Variants in ADAMTS18 observed in about 807,000 individuals in gnomAD.
ADAMTS18 encodes A disintegrin and metalloproteinase with thrombospondin motifs 18.
Under a neutral mutation model 165.9 loss-of-function variants are expected in ADAMTS18, and 157 were observed. The ratio of observed to expected loss-of-function variants is 0.95; its 90% CI spans 0.83 to 1.08. The LOEUF (loss-of-function observed/expected upper bound fraction) is 1.08, where lower values mean the gene tolerates loss of function less well. Ranked by LOEUF, ADAMTS18 falls within the 50% of genes least tolerant of loss-of-function variation. ADAMTS18 has a pLI of 0.00. For synonymous variants in ADAMTS18, 782 were observed against 578.2 expected, an observed-to-expected ratio of 1.35 and a Z score of -5.06; for missense variants, 2,040 against 1,534.0, an observed-to-expected ratio of 1.33 and a Z score of -5.51.
In ADAMTS18 at chr16:77,367,703, T is replaced by G. The variant is rs746625889; in HGVS notation, c.516A>C (p.Arg172=). 21 of 1,614,104 alleles carry G rather than the reference T, an allele frequency of 1.3e-5. No individual in the cohort carries two copies. The highest frequency in any genetic ancestry group is 1.7e-5 in the Non-Finnish European group (20 of 1,180,038). The change falls in exon 4 of 23, where the codon CGA becomes CGC. Residue 172 remains arginine, a synonymous_variant. Transcript: ENST00000282849. ...ATGGCGAGATGAGGAATTCATTTTT[T>G]CGTGTCCTTATTAAACCTGACTAAA... The part of the protein sequence containing the change: ...CAGLSGLIRT[R]KNEFLISPLP...
intron 3 of ADAMTS18, among the ~76,000 whole-genome samples, chr16:77,412,895 C>G (rs2057483168): frequency 6.6e-6 from 1 of 152,058 alleles, no homozygotes; most frequent in African/African-American, 2.4e-5. Flanking sequence ...CAGGGTCTCA[C>G]TATGTTGCCC....
intron 12 of ADAMTS18, among the ~76,000 whole-genome samples, chr16:77,332,857 A>T (rs577745442): frequency 6.6e-6 from 1 of 152,260 alleles, no homozygotes; most frequent in South Asian, 2.1e-4. Context: ...AAGAAAATTG[A>T]ATTTGCTGTC....
At position 77,322,407 on chromosome 16, in the gene ADAMTS18, A is replaced by C; in HGVS notation, c.2092T>G (p.Ser698Ala). The C allele has an allele frequency of 6.2e-7, 1 of 1,614,084 alleles. No individual in the cohort carries two copies. The highest frequency in any genetic ancestry group is 1.1e-5 in the South Asian group (1 of 91,082). ...AENFEFFFAM[S>A]GKVKDGTPCS... ...GGAGTTCCATCTTTCACTTTGCCGG[A>C]CATTGCAAAAAAAAATTCAAAGTTC... The change falls in exon 14 of 23, where the codon TCC becomes GCC. Residue 698 changes from serine (S) to alanine (A), a missense_variant. Coordinates refer to ENST00000282849, the MANE Select transcript of ADAMTS18 (RefSeq NM_199355.4).
intron 3 of ADAMTS18, among the ~76,000 whole-genome samples, chr16:77,428,449 T>A (rs929430671): frequency 1.3e-5 from 2 of 152,078 alleles, no homozygotes; most frequent in African/African-American, 4.8e-5. Flanking sequence ...ATCAGAACAA[T>A]GCAAACTACA....
intron 22 of ADAMTS18, among the ~76,000 whole-genome samples, chr16:77,288,313 G>A (rs188985286): frequency 6.6e-6 from 1 of 152,224 alleles, no homozygotes; most frequent in African/African-American, 2.4e-5. Flanking sequence ...TAGTCTGGAA[G>A]AACATGACCG....
chr16:77,284,324 CACCATGCTG>C (rs1468492961), intron 22 of ADAMTS18, among the ~76,000 whole-genome samples: 4 of 151,978 alleles, frequency 2.6e-5, no homozygotes, highest in Non-Finnish European at 5.9e-5. Context: ...CGGGGTTTTC[CACCATGCTG>C]GCCAGGCTGG....
rs576804156 is a variant in ADAMTS18, at chr16:77,282,889, T to C, written c.*1067A>G. 1.4e-4 allele frequency: 20 copies of C among 143,020 alleles called. No individual in the cohort carries two copies. In the Admixed American group the frequency reaches 1.5e-3, roughly 11 times the overall value. The allele number at this position is 143,020 out of a possible 1,614,324, so 8.9% of individuals were successfully genotyped here. On this transcript the variant is annotated 3_prime_UTR_variant, in exon 23 of 23. Transcript: ENST00000282849. ...GATGGATTTTTTTATTACCACTGTT[T>C]ACTCCTTTCTTTCTCTCTTTTTTTT...
chr16:77,433,155 G>C (rs1016794367), intron 2 of ADAMTS18, among the ~76,000 whole-genome samples: 4 of 152,144 alleles, frequency 2.6e-5, no homozygotes, highest in African/African-American at 9.7e-5. Context: ...CAATTTCTTA[G>C]AGAAAGTCTA....
chr16:77,294,873 T>C (rs1377662933), intron 19 of ADAMTS18, 50 bp downstream of exon 19: 5 of 1,577,144 alleles, frequency 3.2e-6, no homozygotes, highest in Non-Finnish European at 4.4e-6. Flanking sequence ...ACCTCTACTT[T>C]TGCCTTCATG....
rs995389657 is a variant in ADAMTS18 at position 77,423,773 on chromosome 16, C to T, written c.495+7522G>A. ...TCTTCAGTTTATAAAGTAATGGTTA[C>T]TTTCCACTCCCACAAGATCTCCAAA... On this transcript the variant is annotated intron_variant, in intron 3 of 22. Coordinates refer to ENST00000282849, the MANE Select transcript of ADAMTS18 (RefSeq NM_199355.4). Among the ~76,000 whole-genome samples, 3 of 152,106 alleles carry T rather than the reference C, an allele frequency of 2.0e-5. No homozygotes were observed. The East Asian group carries it at 5.8e-4, about 29-fold the overall frequency.
In ADAMTS18 at chr16:77,283,690, C is replaced by G. The variant is rs1400897624; in HGVS notation, c.*266G>C. ...TCTCAGTGTGATTCACCACTTCTTGCATATAACAGTGCAAATCAAAGATTT... is the reference window on the plus strand; with the variant it reads ...TCTCAGTGTGATTCACCACTTCTTGGATATAACAGTGCAAATCAAAGATTT... On this transcript the variant is annotated 3_prime_UTR_variant, in exon 23 of 23. Transcript: ENST00000282849. The G allele has an allele frequency of 2.3e-6, 1 of 442,332 alleles. No individual in the cohort carries two copies. The highest frequency in any genetic ancestry group is 4.2e-6 in the Non-Finnish European group (1 of 239,298). 27.4% of individuals were successfully genotyped at this position (442,332 alleles called of 1,614,324 possible).
rs746625889 is a variant in ADAMTS18 at position 77,367,703 on chromosome 16, T to C, written c.516A>G (p.Arg172=). 6.2e-7 allele frequency: 1 copy of C among 1,614,222 alleles called. No homozygotes were observed. Among genetic ancestry groups the C allele is most frequent in the Non-Finnish European group, 8.5e-7 (1 of 1,180,030 alleles). ...CAGLSGLIRT[R]KNEFLISPLP... is the part of the protein sequence containing the mutation. Reference sequence around the variant, plus strand: ...ATGGCGAGATGAGGAATTCATTTTTTCGTGTCCTTATTAAACCTGACTAAA... The same window carrying C: ...ATGGCGAGATGAGGAATTCATTTTTCCGTGTCCTTATTAAACCTGACTAAA... Residue 172 remains arginine, a synonymous_variant, in exon 4 of 23, where the codon CGA becomes CGG. Transcript: ENST00000282849.
At chr16:77,380,798 G>A (rs907432929) in intron 3 of ADAMTS18, among the ~76,000 whole-genome samples, 5 of 152,154 alleles carry the variant, frequency 3.3e-5, no homozygotes, top group African/African-American at 9.6e-5. Flanking sequence ...ACCAGGCACC[G>A]CACATAGCAT....
intron 15 of ADAMTS18, 84 bp downstream of exon 15, chr16:77,320,995 C>T: frequency 6.4e-7 from 1 of 1,560,472 alleles, no homozygotes; most frequent in South Asian, 1.1e-5. Context: ...TAGTAAAAGG[C>T]TCAACCACAT....
chr16:77,285,106 G>GAGAT (rs1344339622), intron 22 of ADAMTS18, among the ~76,000 whole-genome samples: 4 of 152,166 alleles, frequency 2.6e-5, no homozygotes, highest in East Asian at 1.9e-4. Flanking sequence ...TGGGCCTCAG[G>GAGAT]AGATAGGAAA....
At chr16:77,431,902 G>A (rs946046986) in intron 2 of ADAMTS18, among the ~76,000 whole-genome samples, 1 of 152,176 alleles carries the variant, frequency 6.6e-6, no homozygotes, top group Non-Finnish European at 1.5e-5. Context: ...GAGAGATTTA[G>A]AACATTCTTT....
chr16:77,348,496 AC>A (rs1186611714), intron 10 of ADAMTS18, among the ~76,000 whole-genome samples: 1 of 152,202 alleles, frequency 6.6e-6, no homozygotes, highest in Non-Finnish European at 1.5e-5. Context: ...AGATGCTGAG[AC>A]AGTACTGTGG....
rs1051094756 is a variant in ADAMTS18 at position 77,296,029 on chromosome 16, T to TAC, written c.2802-904_2802-903dup. Among the ~76,000 whole-genome samples the TAC allele has an allele frequency of 2.6e-5, 4 of 151,816 alleles. 1 individual carries two copies. In the South Asian group the frequency reaches 6.3e-4, roughly 24 times the overall value. On this transcript the variant is annotated intron_variant, in intron 18 of 22. Coordinates refer to ENST00000282849, the MANE Select transcript of ADAMTS18 (RefSeq NM_199355.4). ...AAAAGTGTGTGTGTGTATATATATA[T>TAC]ACACACACATATACGCACATCTTTA...
At position 77,367,493 on chromosome 16, in the gene ADAMTS18, C is replaced by T. The variant is rs1262351313; in HGVS notation, c.726G>A (p.Glu242=). The change falls in exon 4 of 23, where the codon GAG becomes GAA. Residue 242 remains glutamate, a synonymous_variant. Coordinates refer to ENST00000282849, the MANE Select transcript of ADAMTS18 (RefSeq NM_199355.4). ...GCTTTTGCAACCTTCGATGGTGATA[C>T]TCTGTCTCTCGACTCTGAGATGCAT... The part of the protein sequence containing the change: ...IPHASQSRET[E]YHHRRLQKQH... 2.5e-6 allele frequency: 4 copies of T among 1,614,212 alleles called. No homozygotes were observed. In the Admixed American group the frequency reaches 5.0e-5, roughly 20 times the overall value.
Sources: allele counts gnomAD v4.1 joint callset (sites outside exome capture counted in the v4.1 genomes callset), GRCh38; gene constraint gnomAD v4.1.1; transcripts MANE v1.5; gene names NCBI Gene and HGNC (gene_info 2026-07-23, HGNC 2026-07-21).